The following TTN variants were observed in gnomAD, a reference collection of about 807,000 sequenced individuals.
TTN encodes the protein connectin.
Under a neutral mutation model 3,223.0 loss-of-function variants are expected in TTN, and 1,525 were observed. That is an observed-to-expected ratio of 0.47 (90% CI 0.45 to 0.49). The LOEUF (loss-of-function observed/expected upper bound fraction) is 0.49, where lower values mean the gene tolerates loss of function less well. TTN is among the 20% of genes least tolerant of loss of function. TTN has a pLI of 0.00. For synonymous variants in TTN, 14,094 were observed against 15,161.0 expected, an observed-to-expected ratio of 0.93 and a Z score of 5.17; for missense variants, 40,786 against 43,424.0, an observed-to-expected ratio of 0.94 and a Z score of 5.40.
In TTN at chr2:178,590,332, C is replaced by T. The variant is rs1358181606; in HGVS notation, c.61393G>A (p.Val20465Met). 2.5e-6 allele frequency: 4 copies of T among 1,570,286 alleles called. No homozygotes were observed. The highest frequency in any genetic ancestry group is 1.8e-5 in the Admixed American group (1 of 55,176). ...GGATGAAGGATATCTTTTGCAATCA[C>T]AGATTCTGCTAGTTCTCTTGGCTCA... ...EGEPRELAES[V>M]IAKDILHPPE... is the part of the protein sequence containing the mutation. Residue 20465 changes from valine to methionine, a missense_variant, in exon 304 of 363, where the codon GTG becomes ATG. By Grantham distance (21) the Val-to-Met change is conservative. Coordinates refer to ENST00000589042, the MANE Select transcript of TTN (RefSeq NM_001267550.2).
At position 178,633,963 on chromosome 2, in the gene TTN, G is replaced by C; in HGVS notation, c.42536C>G (p.Ala14179Gly). 7 of 1,613,294 alleles carry C rather than the reference G, an allele frequency of 4.3e-6. No individual in the cohort carries two copies. The highest frequency in any genetic ancestry group is 5.9e-6 in the Non-Finnish European group (7 of 1,179,536). ...TACTGTTCTGCTTGTATGGAGTTTG[G>C]CATCATTTTTGAACCAGACTACATG... ...KMHVVWFKNDAKLHTSRTVLI... is the reference protein window; with the variant it reads ...KMHVVWFKNDGKLHTSRTVLI... Residue 14179 changes from alanine (A) to glycine (G), a missense_variant, in exon 231 of 363, where the codon GCC becomes GGC. Coordinates refer to ENST00000589042, the MANE Select transcript of TTN (RefSeq NM_001267550.2).
At position 178,706,510 on chromosome 2, in the gene TTN, C is replaced by T. The variant is rs763570310; in HGVS notation, c.29364G>A (p.Val9788=). The T allele has an allele frequency of 6.2e-7, 1 of 1,613,748 alleles. No homozygotes were observed. The highest frequency in any genetic ancestry group is 1.7e-5 in the Admixed American group (1 of 59,980). Residue 9788 remains valine (V), a synonymous_variant, in exon 102 of 363, where the codon GTG becomes GTA. Coordinates refer to ENST00000589042, the MANE Select transcript of TTN (RefSeq NM_001267550.2). ...TTTTCTCTTGTTTCTTCCTTTCATCCACCTGTAAGTTAACATTACTTTCAA... is the reference window on the plus strand; with the variant it reads ...TTTTCTCTTGTTTCTTCCTTTCATCTACCTGTAAGTTAACATTACTTTCAA... ...GEIESNVNLQ[V]DERKKQEKIE...
chr2:178,597,344 C>T (rs951296874), intron 294 of TTN, among the ~76,000 whole-genome samples, 194 bp downstream of exon 294: 1 of 152,108 alleles, frequency 6.6e-6, no homozygotes, highest in African/African-American at 2.4e-5. Context: ...TAAACTTACA[C>T]CCACCATACA....
chr2:178,771,345 A>G lies in TTN; in HGVS notation c.7982T>C (p.Leu2661Pro), dbSNP rs781227223. Residue 2661 changes from leucine (L) to proline (P), a missense_variant, in exon 34 of 363, where the codon CTG becomes CCG. Leu to Pro is a moderately conservative substitution (Grantham distance 98). Coordinates refer to ENST00000589042, the MANE Select transcript of TTN (RefSeq NM_001267550.2). ...AGACTCACTTCTGATGTTGTTAGTC[A>G]GTGGTAGGTGTTTGCCATCCCTCAA... ...EWLRDGKHLPLTNNIRSESDG... is the reference protein window; with the variant it reads ...EWLRDGKHLPPTNNIRSESDG... 2 of 1,613,994 alleles carry G rather than the reference A, an allele frequency of 1.2e-6. No individual in the cohort carries two copies. The highest frequency in any genetic ancestry group is 1.1e-5 in the South Asian group (1 of 91,090).
At chr2:178,803,012 A>G (rs1004461345) in intron 2 of TTN, among the ~76,000 whole-genome samples, 1 of 152,220 alleles carries the variant, frequency 6.6e-6, no homozygotes, top group Non-Finnish European at 1.5e-5. Context: ...TAAATTGTAG[A>G]GCCAAGAACT....
At chr2:178,645,226 C>G (rs1208490120) in intron 217 of TTN, 1 of 151,926 alleles carries the variant, frequency 6.6e-6, no homozygotes, top group Admixed American at 6.6e-5. Flanking sequence ...AATTAAGTAA[C>G]ATTGTGTCAA....
chr2:178,587,011 T>C, intron 307 of TTN, 107 bp downstream of exon 307: 2 of 1,463,568 alleles, frequency 1.4e-6, no homozygotes, highest in African/African-American at 1.4e-5. Flanking sequence ...TATTTCGGTC[T>C]CTACAAATGA....
In TTN at chr2:178,649,872, G is replaced by T. The variant is rs1406777758; in HGVS notation, c.39840C>A (p.Ile13280=). The T allele has an allele frequency of 1.2e-6, 2 of 1,612,246 alleles. No homozygotes were observed. Among genetic ancestry groups the T allele is most frequent in the Non-Finnish European group, 8.5e-7 (1 of 1,179,358 alleles). The change falls in exon 211 of 363, where the codon ATC becomes ATA. Residue 13280 remains isoleucine, a synonymous_variant. Coordinates refer to ENST00000589042, the MANE Select transcript of TTN (RefSeq NM_001267550.2). ...PPAVPEEPKK[I]IPEKKVPVIK... ...TGACAGGAACTTTCTTCTCTGGGAT[G>T]ATCTTCTTGGGCTCTTCAGGCACTT... is the stretch of plus-strand genomic sequence containing the variant.
Position 178,754,448 on chromosome 2 carries a change from C to G in TTN, c.11255-1268G>C, listed in dbSNP as rs145016562. Among the ~76,000 whole-genome samples, 723 of 152,204 alleles carry G rather than the reference C, an allele frequency of 4.8e-3. 8 individuals are homozygous for G. Among genetic ancestry groups the G allele is most frequent in the African/African-American group, 0.017 (685 of 41,512 alleles). ...ACTTTAATAATATTATCAATTGGAACTGAATGAACTGGAGATCCTAGGGCA... is the reference window on the plus strand; with the variant it reads ...ACTTTAATAATATTATCAATTGGAAGTGAATGAACTGGAGATCCTAGGGCA... On this transcript the variant is annotated intron_variant, in intron 46 of 362. Transcript: ENST00000589042.
chr2:178,678,624 T>A, intron 143 of TTN, 123 bp downstream of exon 143: 2 of 1,134,324 alleles, frequency 1.8e-6, no homozygotes, highest in Non-Finnish European at 2.5e-6. Flanking sequence ...ATTTTATTTT[T>A]AAAATAAAAT....
In TTN at chr2:178,756,542, G is replaced by C. The variant is rs752988992; in HGVS notation, c.10934C>G (p.Thr3645Ser). 1.2e-6 allele frequency: 2 copies of C among 1,612,088 alleles called. No homozygotes were observed. Among genetic ancestry groups the C allele is most frequent in the Non-Finnish European group, 1.7e-6 (2 of 1,178,556 alleles). Residue 3645 changes from threonine to serine, a missense_variant, in exon 46 of 363, where the codon ACT (threonine) becomes AGT (serine). Thr to Ser is a moderately conservative substitution (Grantham distance 58). Transcript: ENST00000589042. ...TTTAGCACATTCCTTAGATAGCTCA[G>C]TGCTTTCTGCAATTTGTGAAAGGGA... Reference protein sequence around the residue: ...TASLSQIAESTELSKECAKES... With the variant: ...TASLSQIAESSELSKECAKES...
At chr2:178,735,386 A>T in intron 50 of TTN, 125 bp downstream of exon 50, 1 of 996,524 alleles carries the variant, frequency 1.0e-6, no homozygotes, top group Non-Finnish European at 1.4e-6. Flanking sequence ...TTCCCAAACC[A>T]TAATGTTTGC....
At position 178,534,159 on chromosome 2, in the gene TTN, A is replaced by T. The variant is rs758384544; in HGVS notation, c.102456T>A (p.His34152Gln). 3.6e-5 allele frequency: 58 copies of T among 1,613,822 alleles called. 1 individual carries two copies. In the South Asian group the frequency reaches 6.4e-4, roughly 18 times the overall value. Reference protein sequence around the residue: ...IMHAVGEEGGHVKYVCKIENY... With the variant: ...IMHAVGEEGGQVKYVCKIENY... ...TTTCAATTTTGCATACATATTTGAC[A>T]TGTCCTCCTTCTTCACCAACTGCAT... The change falls in exon 358 of 363, where the codon CAT becomes CAA. Residue 34152 changes from histidine to glutamine, a missense_variant. Transcript: ENST00000589042.
rs397517658 is a variant in TTN, at chr2:178,776,220, G to A, written c.5644C>T (p.Arg1882Cys). ...CGAACTCTGAACCTTTTGCTTTTGC[G>A]GATGAGCTGTCCATTGAGGTACCAG... ...VNWYLNGQLI[R>C]KSKRFRVRYD... Residue 1882 changes from arginine to cysteine, a missense_variant, in exon 28 of 363, where the codon CGC (arginine) becomes TGC (cysteine). Physicochemically the swap from Arg to Cys is radical, Grantham distance 180. Transcript: ENST00000589042. The A allele has an allele frequency of 2.7e-5, 44 of 1,614,000 alleles. 1 individual carries two copies. The Middle Eastern group carries it at 4.9e-4, about 18-fold the overall frequency.
chr2:178,754,388 T>G (rs922953947), intron 46 of TTN, among the ~76,000 whole-genome samples: 2 of 152,262 alleles, frequency 1.3e-5, no homozygotes, highest in African/African-American at 2.4e-5. Context: ...AGTAAGGCAG[T>G]TGGATGTTCA....
chr2:178,536,305 A>G lies in TTN; in HGVS notation c.100442T>C (p.Ile33481Thr), dbSNP rs1464925577. The G allele has an allele frequency of 6.2e-7, 1 of 1,613,668 alleles. No individual in the cohort carries two copies. The highest frequency in any genetic ancestry group is 1.3e-5 in the African/African-American group (1 of 75,030). Residue 33481 changes from isoleucine (I) to threonine (T), a missense_variant, in exon 357 of 363, where the codon ATA (isoleucine) becomes ACA (threonine). Physicochemically the swap from Ile to Thr is moderately conservative, Grantham distance 89 (BLOSUM62 -1). Transcript: ENST00000589042. ...AGATTTGGGAGTGATGGGTTCTGAT[A>G]TTTCACTCCATTCACTTTCCCCACC... ...NLGGESEWSE[I>T]SEPITPKSDV...
intron 24 of TTN, chr2:178,778,616 C>A: frequency 2.0e-6 from 1 of 492,734 alleles, no homozygotes. Context: ...ATGTAAAAAT[C>A]AGGTGTCAAA....
At chr2:178,781,868 A>G (rs1051691777) in intron 20 of TTN, among the ~76,000 whole-genome samples, 2 of 151,568 alleles carry the variant, frequency 1.3e-5, no homozygotes, top group Non-Finnish European at 2.9e-5. Context: ...TAGTTATTAC[A>G]TGTTTTTATT....
Position 178,741,397 on chromosome 2 carries a change from G to T in TTN, c.11836C>A (p.Pro3946Thr), listed in dbSNP as rs970485392. 3.7e-6 allele frequency: 6 copies of T among 1,613,874 alleles called. No individual in the cohort carries two copies. The highest frequency in any genetic ancestry group is 5.1e-6 in the Non-Finnish European group (6 of 1,179,840). ...CPPHFLKELK[P>T]IRCAQGLPAI... The stretch of plus-strand genomic sequence containing the variant: ...GGAAGCCCTTGAGCACAGCGAATTG[G>T]TTTTAACTCCTTAAGGAAGTGAGGA... The change falls in exon 48 of 363, where the codon CCA becomes ACA. Residue 3946 changes from proline to threonine, a missense_variant. Pro to Thr is a conservative substitution (Grantham distance 38). Coordinates refer to ENST00000589042, the MANE Select transcript of TTN (RefSeq NM_001267550.2).
Sources: gnomAD v4.1 joint callset for allele counts (sites outside exome capture counted in the v4.1 genomes callset) on GRCh38, gnomAD v4.1.1 for gene constraint, MANE v1.5 for transcripts, NCBI Gene and HGNC (gene_info 2026-07-23, HGNC 2026-07-21) for gene names.